The following UNK variants were observed in gnomAD, a reference collection of about 807,000 sequenced individuals.
UNK encodes the protein unk zinc finger.
UNK carries 32 observed loss-of-function variants against 97.6 expected under a neutral mutation model. The ratio of observed to expected loss-of-function variants is 0.33; its 90% CI spans 0.25 to 0.44. The LOEUF (loss-of-function observed/expected upper bound fraction) is 0.44, where lower values mean the gene tolerates loss of function less well. Among genes scored for constraint, UNK ranks in the 20% least tolerant of loss-of-function variants. The pLI, the probability that UNK is intolerant of heterozygous loss-of-function variation, is 1.00. For missense variants in UNK, 771 were observed against 1,098.4 expected (o/e 0.70, Z 4.21); for synonymous variants, 441 against 461.2 (o/e 0.96, Z 0.56).
At chr17:75,813,260 G>A (rs1319362523) in intron 5 of UNK, 47 bp downstream of exon 5, 1 of 1,539,858 alleles carries the variant, frequency 6.5e-7, no homozygotes, top group East Asian at 2.4e-5. Context: ...GAGTGGCAGG[G>A]AAGGGGTCAG....
chr17:75,824,539 T>C lies in UNK; in HGVS notation c.*122T>C. On this transcript the variant is annotated 3_prime_UTR_variant, in exon 16 of 16. Coordinates refer to ENST00000589666, the MANE Select transcript of UNK (RefSeq NM_001080419.3). This position sits in a 1 kb window ranked among gnomAD's most constrained non-coding sequence, Gnocchi z 4.9. ...GTATGTATATGTATATGATTATGTA[T>C]ATGTATACATTTCCGTATGTATGTA... 1.3e-6 allele frequency: 1 copy of C among 768,982 alleles called. No individual in the cohort carries two copies. Among genetic ancestry groups the C allele is most frequent in the Non-Finnish European group, 1.7e-6 (1 of 599,484 alleles). The allele number at this position is 768,982 out of a possible 1,614,324, so 47.6% of individuals were successfully genotyped here. A position where few individuals can be genotyped will look rare whatever the true frequency, so the allele number is the denominator to read the frequency against.
chr17:75,788,172 T>G (rs936072880), intron 1 of UNK, among the ~76,000 whole-genome samples: 2 of 151,796 alleles, frequency 1.3e-5, no homozygotes, highest in Admixed American at 6.6e-5. Flanking sequence ...TTTTTGCCTG[T>G]CAATTTTTTC....
chr17:75,789,956 C>T (rs998155993), intron 1 of UNK, among the ~76,000 whole-genome samples: 5 of 149,886 alleles, frequency 3.3e-5, no homozygotes, highest in African/African-American at 7.3e-5. Flanking sequence ...GCCTGGCCAA[C>T]GTGGTAAAAC....
In UNK at chr17:75,809,823, T is replaced by G; in HGVS notation, c.168T>G (p.His56Gln). ...TTGTGCAACACAAATGCACGCAGCA[T>G]CGGCCCTACACCTGCTTCCACTGGC... ...PLFVQHKCTQ[H>Q]RPYTCFHWHF... The change falls in exon 2 of 16, where the codon CAT becomes CAG. Residue 56 changes from histidine (H) to glutamine (Q), a missense_variant. This residue lies in a region of UNK where 246 missense variants were observed against 440.7 expected (regional missense o/e 0.56). Transcript: ENST00000589666. The G allele has an allele frequency of 6.2e-7, 1 of 1,613,718 alleles. No individual in the cohort carries two copies. The highest frequency in any genetic ancestry group is 8.5e-7 in the Non-Finnish European group (1 of 1,179,838).
intron 1 of UNK, chr17:75,793,786 G>C (rs1406928300): frequency 1.0e-6 from 1 of 985,296 alleles, no homozygotes; most frequent in African/African-American, 1.7e-5. Flanking sequence ...GGAGGGGGAA[G>C]GTCCATGTCC....
chr17:75,816,838 C>A lies in UNK; in HGVS notation c.1030C>A (p.Leu344Met). Reference protein sequence around the residue: ...VSSPTQPGPVLYMPSAAGDSV... With the variant: ...VSSPTQPGPVMYMPSAAGDSV... ...CAGCCCCACCCAGCCAGGTCCTGTC[C>A]TGTACATGCCATCTGCCGCCGGAGA... The change falls in exon 8 of 16, where the codon CTG becomes ATG. Residue 344 changes from leucine to methionine, a missense_variant. By Grantham distance (15) the Leu-to-Met change is conservative. This residue lies in a region of UNK where 192 missense variants were observed against 202.4 expected (regional missense o/e 0.95). Transcript: ENST00000589666. The surrounding 1 kb of genome is among the most constrained non-coding windows in gnomAD (Gnocchi z 4.0). 1.2e-6 allele frequency: 2 copies of A among 1,607,864 alleles called. No homozygotes were observed. Among genetic ancestry groups the A allele is most frequent in the Non-Finnish European group, 1.7e-6 (2 of 1,179,412 alleles).
At position 75,817,261 on chromosome 17, in the gene UNK, A is replaced by G; in HGVS notation, c.1105-65A>G. Reference sequence around the variant, plus strand: ...TGAAGACTCCCTCTGGAGAGGGTGGAGGATGGGCCACGCACCAGCCTGCGC... The same window carrying G: ...TGAAGACTCCCTCTGGAGAGGGTGGGGGATGGGCCACGCACCAGCCTGCGC... On this transcript the variant is annotated intron_variant, in intron 8 of 15. Transcript: ENST00000589666. This position sits in a 1 kb window ranked among gnomAD's most constrained non-coding sequence, Gnocchi z 5.8. The G allele has an allele frequency of 6.8e-7, 1 of 1,468,186 alleles. No homozygotes were observed. The highest frequency in any genetic ancestry group is 1.3e-5 in the South Asian group (1 of 74,142). The allele number at this position is 1,468,186 out of a possible 1,614,324, so 90.9% of individuals were successfully genotyped here. A position where few individuals can be genotyped will look rare whatever the true frequency, so the allele number is the denominator to read the frequency against.
chr17:75,816,735 TG>T lies in UNK; in HGVS notation c.962-31del. 1 of 1,576,158 alleles carries T rather than the reference TG, an allele frequency of 6.3e-7. No individual in the cohort carries two copies. The highest frequency in any genetic ancestry group is 8.6e-7 in the Non-Finnish European group (1 of 1,164,488). ...GCATTTTTGGAGGGACAGAGCTGGC[TG>T]GGGCCTGCTGACCCCTGCCCCTGAC... On this transcript the variant is annotated intron_variant, in intron 7 of 15. Coordinates refer to ENST00000589666, the MANE Select transcript of UNK (RefSeq NM_001080419.3). The surrounding 1 kb of genome is among the most constrained non-coding windows in gnomAD (Gnocchi z 4.0).
chr17:75,824,410 A>C lies in UNK; in HGVS notation c.2426A>C (p.Gln809Pro). 1 of 1,533,248 alleles carries C rather than the reference A, an allele frequency of 6.5e-7. No homozygotes were observed. The highest frequency in any genetic ancestry group is 1.7e-4 in the Middle Eastern group (1 of 5,880). The allele number at this position is 1,533,248 out of a possible 1,614,324, so 95.0% of individuals were successfully genotyped here. Reference protein sequence around the residue: ...ICQPGRAHTLQS With the variant: ...ICQPGRAHTLPS ...CAGCCTGGCCGGGCCCACACCCTCCAGTCGTGACCCTGCAGGCCTGGCCCA... is the reference window on the plus strand; with the variant it reads ...CAGCCTGGCCGGGCCCACACCCTCCCGTCGTGACCCTGCAGGCCTGGCCCA... Residue 809 changes from glutamine (Q) to proline (P), a missense_variant, in exon 16 of 16, where the codon CAG becomes CCG. By Grantham distance (76) the Gln-to-Pro change is moderately conservative. Coordinates refer to ENST00000589666, the MANE Select transcript of UNK (RefSeq NM_001080419.3). This position sits in a 1 kb window ranked among gnomAD's most constrained non-coding sequence, Gnocchi z 4.9.
intron 1 of UNK, chr17:75,794,280 GC>G: frequency 1.5e-6 from 1 of 674,328 alleles, no homozygotes; most frequent in Non-Finnish European, 1.8e-6. Flanking sequence ...ATTCTAAACA[GC>G]TTTCAGAGAG....
chr17:75,812,640 C>T, intron 4 of UNK, 55 bp downstream of exon 4: 1 of 1,574,554 alleles, frequency 6.4e-7, no homozygotes, highest in Non-Finnish European at 8.6e-7. Context: ...TCATAGCTGC[C>T]CTGGGGATTT....
rs2062047613 is a variant in UNK, at chr17:75,819,610, C to T, written c.1547-74C>T. The T allele has an allele frequency of 2.0e-5, 27 of 1,375,110 alleles. No homozygotes were observed. The highest frequency in any genetic ancestry group is 6.8e-5 in the Admixed American group (4 of 59,098). 85.2% of individuals were successfully genotyped at this position (1,375,110 alleles called of 1,614,324 possible). A position where few individuals can be genotyped will look rare whatever the true frequency, so the allele number is the denominator to read the frequency against. On this transcript the variant is annotated intron_variant, in intron 11 of 15. Coordinates refer to ENST00000589666, the MANE Select transcript of UNK (RefSeq NM_001080419.3). The surrounding 1 kb of genome is among the most constrained non-coding windows in gnomAD (Gnocchi z 5.4). Reference sequence around the variant, plus strand: ...GCGTAGCATGGGCGTGAAGATGCAGCGTGGGCAGTAGACGAGGTGGTCAGG... The same window carrying T: ...GCGTAGCATGGGCGTGAAGATGCAGTGTGGGCAGTAGACGAGGTGGTCAGG...
intron 5 of UNK, 112 bp from the exon 6 acceptor site, chr17:75,813,649 G>C: frequency 1.1e-6 from 1 of 906,666 alleles, no homozygotes; most frequent in Non-Finnish European, 1.6e-6. Context: ...CTCTGCAGCT[G>C]GTCTTTTCCA....
At position 75,823,467 on chromosome 17, in the gene UNK, C is replaced by G. The variant is rs2062088883; in HGVS notation, c.2222C>G (p.Ser741Cys). 6.3e-7 allele frequency: 1 copy of G among 1,580,830 alleles called. No individual in the cohort carries two copies. Among genetic ancestry groups the G allele is most frequent in the South Asian group, 1.1e-5 (1 of 87,970 alleles). ...AFSDLEALSL[S>C]TLYSLQKQLR... ...TCCGACCTGGAGGCGCTCTCACTCT[C>G]CACCCTCTACTCCCTCCAGAAACAA... is the stretch of plus-strand genomic sequence containing the variant. Residue 741 changes from serine (S) to cysteine (C), a missense_variant, in exon 15 of 16, where the codon TCC (serine) becomes TGC (cysteine). Around this residue, in one of 5 missense-constraint regions of UNK, gnomAD observed 208 missense variants for 257.4 expected, o/e 0.81. Coordinates refer to ENST00000589666, the MANE Select transcript of UNK (RefSeq NM_001080419.3).
chr17:75,794,520 C>A (rs1476102291), intron 1 of UNK, among the ~76,000 whole-genome samples: 1 of 152,028 alleles, frequency 6.6e-6, no homozygotes. Context: ...CACCTGTAAT[C>A]CCAGCTACTA....
intron 1 of UNK, among the ~76,000 whole-genome samples, chr17:75,796,452 G>A (rs923601053): frequency 1.3e-5 from 2 of 151,870 alleles, no homozygotes; most frequent in African/African-American, 4.8e-5. Context: ...CTGAGTAGCT[G>A]GGACTGCAGG....
At position 75,809,884 on chromosome 17, in the gene UNK, C is replaced by T. The variant is rs1215383374; in HGVS notation, c.229C>T (p.Arg77Cys). The T allele has an allele frequency of 1.9e-6, 3 of 1,613,776 alleles. No individual in the cohort carries two copies. Among genetic ancestry groups the T allele is most frequent in the Non-Finnish European group, 2.5e-6 (3 of 1,179,906 alleles). Reference protein sequence around the residue: ...VNQRRRRSIRRRDGTFNYSPD... With the variant: ...VNQRRRRSIRCRDGTFNYSPD... ...CCAGCGGCGCCGCCGGTCCATCCGC[C>T]GTCGGGACGGCACCTTCAATTACAG... The change falls in exon 2 of 16, where the codon CGT (arginine) becomes TGT (cysteine). Residue 77 changes from arginine (R) to cysteine (C), a missense_variant. Arg to Cys is a radical substitution (Grantham distance 180). Coordinates refer to ENST00000589666, the MANE Select transcript of UNK (RefSeq NM_001080419.3).
rs372005181 is a variant in UNK at position 75,816,891 on chromosome 17, G to T, written c.1083G>T (p.Pro361=). The change falls in exon 8 of 16, where the codon CCG becomes CCT. Residue 361 remains proline, a synonymous_variant. Coordinates refer to ENST00000589666, the MANE Select transcript of UNK (RefSeq NM_001080419.3). The surrounding 1 kb of genome is among the most constrained non-coding windows in gnomAD (Gnocchi z 4.0). ...CGGTGCCTGTGAGCCCCTCCAGCCCGCATGCCCCTGACCTCAGTGCCGTAC... is the reference window on the plus strand; with the variant it reads ...CGGTGCCTGTGAGCCCCTCCAGCCCTCATGCCCCTGACCTCAGTGCCGTAC... ...GDSVPVSPSS[P]HAPDLSALLC... The T allele has an allele frequency of 6.2e-7, 1 of 1,604,266 alleles. No individual in the cohort carries two copies.
chr17:75,797,529 C>G (rs1372984151), intron 1 of UNK, among the ~76,000 whole-genome samples: 1 of 152,274 alleles, frequency 6.6e-6, no homozygotes, highest in Non-Finnish European at 1.5e-5. Context: ...GCTACCACAC[C>G]TGGCCTATAC....
Sources: gnomAD v4.1 joint callset for allele counts (sites outside exome capture counted in the v4.1 genomes callset) on GRCh38, gnomAD v4.1.1 for gene constraint, gnomAD v4.1.1 regional missense constraint, Gnocchi (gnomAD v3.1) non-coding constraint, MANE v1.5 for transcripts, NCBI Gene and HGNC (gene_info 2026-07-23, HGNC 2026-07-21) for gene names.